The following SLC13A3 variants were observed in gnomAD, a reference collection of about 807,000 sequenced individuals.
The protein encoded by SLC13A3 is solute carrier family 13 member 3, also known as Na(+)/dicarboxylate cotransporter 3.
SLC13A3 carries 40 observed loss-of-function variants against 59.0 expected under a neutral mutation model. That is an observed-to-expected ratio of 0.68 (90% confidence interval 0.53 to 0.88). The LOEUF is 0.88. Among genes scored for constraint, SLC13A3 ranks in the 40% least tolerant of loss-of-function variants. The probability of loss-of-function intolerance (pLI) is 0.00; values close to 1 mark genes in which losing one functional copy is unlikely to be tolerated. For synonymous variants in SLC13A3, 317 were observed against 330.3 expected (o/e 0.96, Z 0.44); for missense variants, 699 against 783.2 (o/e 0.89, Z 1.28).
intron 1 of SLC13A3, among the ~76,000 whole-genome samples, chr20:46,628,534 A>C (rs1000590153): frequency 6.6e-5 from 10 of 152,240 alleles, no homozygotes; most frequent in South Asian, 2.1e-4. Context: ...CCTAATGATC[A>C]AGGCTGACCC....
At chr20:46,588,789 T>C (rs2062222121) in intron 7 of SLC13A3, among the ~76,000 whole-genome samples, 1 of 152,156 alleles carries the variant, frequency 6.6e-6, no homozygotes, top group African/African-American at 2.4e-5. Context: ...AGCTGGTCCT[T>C]GAACACAGGC....
At chr20:46,579,086 A>G (rs780192378) in intron 9 of SLC13A3, among the ~76,000 whole-genome samples, 1 of 152,078 alleles carries the variant, frequency 6.6e-6, no homozygotes, top group African/African-American at 2.4e-5. Flanking sequence ...GCCTGGTTCT[A>G]TGTCCTGTCT....
chr20:46,679,220 C>T (rs990315944), intron 1 of SLC13A3, among the ~76,000 whole-genome samples: 2 of 152,212 alleles, frequency 1.3e-5, no homozygotes, highest in Non-Finnish European at 1.5e-5. Context: ...AAGCTATCTT[C>T]GCCTAAAAAT....
intron 9 of SLC13A3, chr20:46,582,588 G>A (rs1319037977): frequency 1.9e-5 from 18 of 968,298 alleles, no homozygotes; most frequent in Non-Finnish European, 2.1e-5. Context: ...GGGTGACAGA[G>A]TGAGACCCCA....
At chr20:46,683,174 C>T (rs1435683871) in intron 1 of SLC13A3, among the ~76,000 whole-genome samples, 1 of 152,166 alleles carries the variant, frequency 6.6e-6, no homozygotes, top group African/African-American at 2.4e-5. Context: ...ATTATTTAGG[C>T]AGATATTCAG....
At chr20:46,640,744 C>T (rs533956821) in intron 1 of SLC13A3, among the ~76,000 whole-genome samples, 5 of 152,258 alleles carry the variant, frequency 3.3e-5, no homozygotes, top group African/African-American at 4.8e-5. Context: ...TTTGGACACA[C>T]GTGTCTGACT....
At chr20:46,560,341 T>G in intron 12 of SLC13A3, 143 bp from the exon 13 acceptor site, 4 of 712,890 alleles carry the variant, frequency 5.6e-6, no homozygotes, top group South Asian at 1.8e-5. Context: ...CCCAGGTCGG[T>G]AAATGCCTGG....
At chr20:46,580,805 G>A (rs144877763) in intron 9 of SLC13A3, among the ~76,000 whole-genome samples, 1,593 of 152,184 alleles carry the variant, frequency 0.01, 8 homozygotes, top group Non-Finnish European at 0.017. Context: ...GGTCCTGGGC[G>A]GAAGCAGCTT....
At position 46,563,452 on chromosome 20, in the gene SLC13A3, T is replaced by C. The variant is rs1318737366; in HGVS notation, c.1594A>G (p.Ile532Val). ...MLPVSTPPNS[I>V]AFASGHLLVK... is the part of the protein sequence containing the mutation. The stretch of plus-strand genomic sequence containing the variant: ...AGCAAGTGTCCAGAGGCGAAGGCGA[T>C]GGAGTTGGGGGGCGTTGAGACCGGG... The change falls in exon 12 of 13, where the codon ATC (isoleucine) becomes GTC (valine). Residue 532 changes from isoleucine to valine, a missense_variant. Coordinates refer to ENST00000279027, the MANE Select transcript of SLC13A3 (RefSeq NM_022829.6). 3.1e-6 allele frequency: 5 copies of C among 1,613,888 alleles called. No homozygotes were observed. The highest frequency in any genetic ancestry group is 4.2e-6 in the Non-Finnish European group (5 of 1,179,958).
chr20:46,639,374 G>A (rs915367832), intron 1 of SLC13A3, among the ~76,000 whole-genome samples: 5 of 152,214 alleles, frequency 3.3e-5, no homozygotes, highest in Middle Eastern at 6.8e-3. Flanking sequence ...AGGCAGAATT[G>A]CTTAAACCTG....
At chr20:46,599,614 T>C (rs966029588) in intron 4 of SLC13A3, among the ~76,000 whole-genome samples, 3 of 152,128 alleles carry the variant, frequency 2.0e-5, no homozygotes, top group Non-Finnish European at 4.4e-5. Flanking sequence ...AATTTTTTTG[T>C]CTGTATGGAC....
chr20:46,621,156 G>C (rs1218373549), intron 1 of SLC13A3, among the ~76,000 whole-genome samples: 11 of 152,204 alleles, frequency 7.2e-5, no homozygotes, highest in Non-Finnish European at 1.5e-5. Flanking sequence ...TTTTATGAGG[G>C]TTAGCCAAAG....
chr20:46,634,022 C>A (rs1190178127), intron 1 of SLC13A3, among the ~76,000 whole-genome samples: 1 of 152,206 alleles, frequency 6.6e-6, no homozygotes, highest in Non-Finnish European at 1.5e-5. Flanking sequence ...TAGTCCTGAT[C>A]TTATGGGCCC....
chr20:46,607,606 A>G (rs1454332002), intron 3 of SLC13A3, among the ~76,000 whole-genome samples: 2 of 152,210 alleles, frequency 1.3e-5, no homozygotes, highest in Non-Finnish European at 1.5e-5. Flanking sequence ...CTGGACTTCA[A>G]TGCATGGCCA....
intron 1 of SLC13A3, among the ~76,000 whole-genome samples, chr20:46,678,341 C>A (rs2063137524): frequency 6.6e-6 from 1 of 152,204 alleles, no homozygotes; most frequent in Admixed American, 6.5e-5. Context: ...GGCCTGGGGT[C>A]TCTATCTGTG....
rs78666341 is a variant in SLC13A3, at chr20:46,610,327, C to T, written c.541+119G>A. On this transcript the variant is annotated intron_variant, in intron 3 of 12. Coordinates refer to ENST00000279027, the MANE Select transcript of SLC13A3 (RefSeq NM_022829.6). ...TCATTGTCATAACTAAAACACCTGA[C>T]GCATAGTAGGTGCTCAATAAGTGTG... 6.3e-3 allele frequency: 5,621 copies of T among 891,930 alleles called. 168 individuals are homozygous for T. In the African/African-American group the frequency reaches 0.073, roughly 12 times the overall value. 55.3% of individuals were successfully genotyped at this position (891,930 alleles called of 1,614,324 possible).
intron 1 of SLC13A3, among the ~76,000 whole-genome samples, chr20:46,636,208 T>C: frequency 6.6e-6 from 1 of 152,218 alleles, no homozygotes; most frequent in East Asian, 1.9e-4. Flanking sequence ...TTGCACAAGA[T>C]CCAAGGACCC....
intron 1 of SLC13A3, among the ~76,000 whole-genome samples, chr20:46,676,600 T>C (rs2122944740): frequency 6.6e-6 from 1 of 152,056 alleles, no homozygotes; most frequent in South Asian, 2.1e-4. Context: ...TTTAATTTTG[T>C]TTTTAACTAA....
At chr20:46,602,885 G>A (rs2062393770) in intron 3 of SLC13A3, among the ~76,000 whole-genome samples, 2 of 152,120 alleles carry the variant, frequency 1.3e-5, no homozygotes, top group African/African-American at 4.8e-5. Flanking sequence ...GAGGATTAAA[G>A]AGTTAATCTA....
Sources: allele counts gnomAD v4.1 joint callset (sites outside exome capture counted in the v4.1 genomes callset), GRCh38; gene constraint gnomAD v4.1.1; transcripts MANE v1.5; gene names NCBI Gene and HGNC (gene_info 2026-07-23, HGNC 2026-07-21).